ZMYM2: variants seen among roughly 807,000 people sequenced by gnomAD.
ZMYM2 encodes the protein zinc finger MYM-type protein 2.
ZMYM2 carries 56 observed loss-of-function variants against 162.8 expected under a neutral mutation model. The ratio of observed to expected loss-of-function variants is 0.34; its 90% CI spans 0.28 to 0.43. The LOEUF (loss-of-function observed/expected upper bound fraction) is 0.43. ZMYM2 is among the 20% of genes least tolerant of loss of function. ZMYM2 has a pLI of 1.00. For missense variants in ZMYM2, 1,275 were observed against 1,621.8 expected, an observed-to-expected ratio of 0.79 and a Z score of 3.67; for synonymous variants, 510 against 541.6, an observed-to-expected ratio of 0.94 and a Z score of 0.81.
intron 2 of ZMYM2, among the ~76,000 whole-genome samples, chr13:19,992,142 G>A (rs1224340223): frequency 6.6e-6 from 1 of 151,786 alleles, no homozygotes; most frequent in Non-Finnish European, 1.5e-5. Context: ...ACAGCATAGT[G>A]CCTGGCAAAA....
intron 2 of ZMYM2, among the ~76,000 whole-genome samples, chr13:19,992,086 T>C (rs1949673446): frequency 6.6e-6 from 1 of 152,214 alleles, no homozygotes; most frequent in Non-Finnish European, 1.5e-5. Flanking sequence ...GGGGACCTGA[T>C]ATCTTTGGTG....
At chr13:19,981,925 A>G (rs1957368914) in intron 2 of ZMYM2, among the ~76,000 whole-genome samples, 1 of 152,190 alleles carries the variant, frequency 6.6e-6, no homozygotes, top group Non-Finnish European at 1.5e-5. Context: ...GTCACATTTC[A>G]TTAAGGGATG....
intron 16 of ZMYM2, among the ~76,000 whole-genome samples, chr13:20,060,296 T>A (rs1361919291): frequency 6.6e-6 from 1 of 152,224 alleles, no homozygotes; most frequent in Non-Finnish European, 1.5e-5. Context: ...GTGTATAGTA[T>A]GTATATGTTC....
At chr13:20,013,062 C>T (rs1009116960) in intron 6 of ZMYM2, among the ~76,000 whole-genome samples, 2 of 152,098 alleles carry the variant, frequency 1.3e-5, no homozygotes, top group African/African-American at 4.8e-5. Flanking sequence ...GACATCTTAG[C>T]AATAGTAAGT....
rs556336913 is a variant in ZMYM2, at chr13:20,045,715, C to G, written c.2293-5718C>G. Among the ~76,000 whole-genome samples the G allele has an allele frequency of 1.7e-3, 260 of 152,178 alleles. 1 individual carries two copies. The highest frequency in any genetic ancestry group is 6.0e-3 in the African/African-American group (250 of 41,534). On this transcript the variant is annotated intron_variant, in intron 12 of 24. Transcript: ENST00000610343. ...TGGAAATCCCATTTTATTTTTATATCTATTTTCATTGTTTATCTTATTGTT... is the reference window on the plus strand; with the variant it reads ...TGGAAATCCCATTTTATTTTTATATGTATTTTCATTGTTTATCTTATTGTT...
At chr13:19,989,359 A>G (rs1303883528) in intron 2 of ZMYM2, among the ~76,000 whole-genome samples, 1 of 152,166 alleles carries the variant, frequency 6.6e-6, no homozygotes, top group Non-Finnish European at 1.5e-5. Flanking sequence ...GCTGGAGTGC[A>G]GTGGTGCAGT....
chr13:19,886,202 T>C, the ZMYM2 span, among the ~76,000 whole-genome samples: 9 of 143,870 alleles, frequency 6.3e-5, no homozygotes, highest in Non-Finnish European at 1.4e-4. Context: ...TTCACTCTTG[T>C]TGCCCAAGCT....
the ZMYM2 span, among the ~76,000 whole-genome samples, chr13:19,876,933 A>G: frequency 6.6e-6 from 1 of 152,198 alleles, no homozygotes; most frequent in African/African-American, 2.4e-5. Flanking sequence ...TTCTTTTAAA[A>G]AGAAGTTTAT....
chr13:20,030,920 A>T (rs1287162346), intron 9 of ZMYM2, among the ~76,000 whole-genome samples: 1 of 152,162 alleles, frequency 6.6e-6, no homozygotes. Context: ...TAGATATTTG[A>T]TGATTATTGG....
chr13:19,888,350 G>A, the ZMYM2 span, among the ~76,000 whole-genome samples: 2 of 151,450 alleles, frequency 1.3e-5, no homozygotes, highest in Non-Finnish European at 2.9e-5. Flanking sequence ...ACCATGGCGG[G>A]CTAATTTTTA....
chr13:19,902,150 G>A, the ZMYM2 span, among the ~76,000 whole-genome samples: 1 of 152,146 alleles, frequency 6.6e-6, no homozygotes, highest in Admixed American at 6.5e-5. Flanking sequence ...GACAAATACT[G>A]TATGACTCCA....
intron 7 of ZMYM2, chr13:20,024,984 TCTTATA>T (rs1952448489): frequency 4.7e-6 from 1 of 214,468 alleles, no homozygotes. Flanking sequence ...AGCTATGTTT[TCTTATA>T]CTTTTTCTAT....
At chr13:19,960,138 G>C (rs1292484471) in intron 2 of ZMYM2, 112 bp downstream of exon 2, 1 of 152,256 alleles carries the variant, frequency 6.6e-6, no homozygotes, top group Non-Finnish European at 1.5e-5. Context: ...GCTTTCCCTT[G>C]GGTGGCAGCT....
intron 14 of ZMYM2, among the ~76,000 whole-genome samples, chr13:20,056,752 A>G (rs1593153063): frequency 6.6e-6 from 1 of 152,010 alleles, no homozygotes; most frequent in East Asian, 1.9e-4. Flanking sequence ...CTTTGGCAAC[A>G]TGAAGGAAGG....
intron 11 of ZMYM2, among the ~76,000 whole-genome samples, chr13:20,035,366 A>C (rs1177214961): frequency 6.6e-6 from 1 of 152,206 alleles, no homozygotes; most frequent in Non-Finnish European, 1.5e-5. Flanking sequence ...AGGCATTCCT[A>C]TTTAAATTTA....
chr13:19,877,917 A>G, the ZMYM2 span, among the ~76,000 whole-genome samples: 1 of 152,198 alleles, frequency 6.6e-6, no homozygotes, highest in Non-Finnish European at 1.5e-5. Context: ...CCGAAGTGAA[A>G]TCACTGGATT....
chr13:19,910,964 A>C, the ZMYM2 span, among the ~76,000 whole-genome samples: 1 of 152,040 alleles, frequency 6.6e-6, no homozygotes, highest in Non-Finnish European at 1.5e-5. Context: ...CTGTAGACGC[A>C]GAAAAGCTCT....
At position 20,011,047 on chromosome 13, in the gene ZMYM2, T is replaced by G. The variant is rs143837181; in HGVS notation, c.1512+4461T>G. On this transcript the variant is annotated intron_variant, in intron 6 of 24. Coordinates refer to ENST00000610343, the MANE Select transcript of ZMYM2 (RefSeq NM_197968.4). The stretch of plus-strand genomic sequence containing the variant: ...AATGTTCAAATCAGGGTAATTAGGA[T>G]AGCCATCACCCCAAAATTATTTTTT... 9.0e-3 allele frequency among the ~76,000 whole-genome samples: 1,378 copies of G among 152,310 alleles called. 10 individuals are homozygous for G. Among genetic ancestry groups the G allele is most frequent in the Non-Finnish European group, 0.012 (805 of 68,016 alleles).
the ZMYM2 span, among the ~76,000 whole-genome samples, chr13:19,903,077 A>G: frequency 6.6e-6 from 1 of 151,978 alleles, no homozygotes; most frequent in South Asian, 2.1e-4. Flanking sequence ...AATTGATTGA[A>G]CCCAGGAGGT....
Sources: gnomAD v4.1 joint callset for allele counts (sites outside exome capture counted in the v4.1 genomes callset) on GRCh38, gnomAD v4.1.1 for gene constraint, MANE v1.5 for transcripts, NCBI Gene and HGNC (gene_info 2026-07-23, HGNC 2026-07-21) for gene names.